Variants in C2orf78 observed in about 807,000 individuals in gnomAD.
C2orf78 encodes the protein uncharacterized protein C2orf78.
Under a neutral mutation model 21.4 loss-of-function variants are expected in C2orf78, and 12 were observed. That is an observed-to-expected ratio of 0.56 (90% CI 0.36 to 0.91). The LOEUF (loss-of-function observed/expected upper bound fraction) is 0.91, where lower values mean the gene tolerates loss of function less well. Among genes scored for constraint, C2orf78 ranks in the 40% least tolerant of loss-of-function variants. The probability of loss-of-function intolerance (pLI) is 0.01; values close to 1 mark genes in which losing one functional copy is unlikely to be tolerated. For synonymous variants in C2orf78, 396 were observed against 413.9 expected (o/e 0.96, Z 0.52); for missense variants, 1,042 against 1,092.4 (o/e 0.95, Z 0.65).
At position 73,786,334 on chromosome 2, in the gene C2orf78, G is replaced by A. The variant is rs560928569; in HGVS notation, c.97+1928G>A. Among the ~76,000 whole-genome samples the A allele has an allele frequency of 1.3e-3, 191 of 150,892 alleles. 2 individuals carry two copies. In the South Asian group the frequency reaches 0.017, roughly 13 times the overall value. On this transcript the variant is annotated intron_variant, in intron 1 of 2. Transcript: ENST00000409561. Reference sequence around the variant, plus strand: ...GCGCATGATGCAGTGAGCCGAGATCGTGCCACTGCCCTCCAGCCTAGGCGA... The same window carrying A: ...GCGCATGATGCAGTGAGCCGAGATCATGCCACTGCCCTCCAGCCTAGGCGA...
intron 1 of C2orf78, among the ~76,000 whole-genome samples, 183 bp downstream of exon 1, chr2:73,784,589 T>C (rs1467760654): frequency 6.6e-6 from 1 of 151,416 alleles, no homozygotes; most frequent in African/African-American, 2.5e-5. Context: ...AGATAACTTT[T>C]ATTCTCTCAC....
intron 1 of C2orf78, among the ~76,000 whole-genome samples, chr2:73,807,965 C>T (rs542425295): frequency 2.6e-5 from 4 of 150,994 alleles, no homozygotes; most frequent in Non-Finnish European, 4.4e-5. Flanking sequence ...CCCTTAAAAT[C>T]GGCAGTAGGG....
intron 1 of C2orf78, among the ~76,000 whole-genome samples, chr2:73,813,275 G>T (rs1673124918): frequency 6.6e-6 from 1 of 152,158 alleles, no homozygotes; most frequent in Admixed American, 6.5e-5. Flanking sequence ...GTCCAAGTTG[G>T]ACACAAAGAC....
intron 1 of C2orf78, among the ~76,000 whole-genome samples, chr2:73,810,462 G>A (rs1349308176): frequency 4.6e-5 from 7 of 150,648 alleles, no homozygotes; most frequent in Non-Finnish European, 7.4e-5. Flanking sequence ...AGGAGGTGTA[G>A]GTTGCAGTGA....
intron 1 of C2orf78, among the ~76,000 whole-genome samples, chr2:73,810,584 T>G (rs1387019641): frequency 7.1e-6 from 1 of 140,040 alleles, no homozygotes; most frequent in Non-Finnish European, 1.5e-5. Context: ...TTTATGTATA[T>G]TATATATATA....
intron 1 of C2orf78, among the ~76,000 whole-genome samples, chr2:73,812,160 A>G (rs976848522): frequency 1.3e-5 from 2 of 152,138 alleles, no homozygotes; most frequent in Admixed American, 6.5e-5. Flanking sequence ...CATTCATTCT[A>G]TTATGGGCTG....
At chr2:73,811,280 G>A (rs1673083739) in intron 1 of C2orf78, among the ~76,000 whole-genome samples, 1 of 151,898 alleles carries the variant, frequency 6.6e-6, no homozygotes, top group African/African-American at 2.4e-5. Flanking sequence ...GATAGAGCAG[G>A]ACCCCATCTC....
chr2:73,814,979 C>T, intron 2 of C2orf78, 92 bp from the exon 3 acceptor site: 1 of 1,271,238 alleles, frequency 7.9e-7, no homozygotes, highest in Non-Finnish European at 1.1e-6. Flanking sequence ...AAATGCCTTG[C>T]CCATGTTGGA....
At chr2:73,806,989 G>A (rs1223440670) in intron 1 of C2orf78, among the ~76,000 whole-genome samples, 4 of 141,536 alleles carry the variant, frequency 2.8e-5, no homozygotes, top group East Asian at 3.9e-4. Flanking sequence ...GACCATCCTC[G>A]CTGACACGGT....
exon 3 of C2orf78, chr2:73,816,047 G>C (rs1385260571): frequency 6.2e-7 from 1 of 1,613,906 alleles, no homozygotes; most frequent in South Asian, 1.1e-5. Context: ...TGAAACGGAA[G>C]AAAAATCAAC....
chr2:73,817,098 G>T, exon 3 of C2orf78: 23 of 1,207,248 alleles, frequency 1.9e-5, no homozygotes, highest in Admixed American at 6.4e-5. Context: ...ATAAAGAAAT[G>T]TAATAGAATT....
chr2:73,785,904 GGCAT>G (rs1187475384), intron 1 of C2orf78, among the ~76,000 whole-genome samples: 1 of 151,844 alleles, frequency 6.6e-6, no homozygotes, highest in Non-Finnish European at 1.5e-5. Flanking sequence ...AAATTAGCCG[GGCAT>G]GGTGGCACAT....
chr2:73,816,554 G>A, exon 3 of C2orf78: 2 of 1,613,592 alleles, frequency 1.2e-6, no homozygotes, highest in South Asian at 1.1e-5. Flanking sequence ...ACACATCTTT[G>A]ACAGGTCCTG....
intron 1 of C2orf78, among the ~76,000 whole-genome samples, chr2:73,810,678 A>T (rs1377903291): frequency 8.2e-5 from 11 of 134,160 alleles, no homozygotes; most frequent in Non-Finnish European, 1.5e-4. Flanking sequence ...TAATATAATA[A>T]AATATACATA....
At chr2:73,785,663 G>A (rs967232947) in intron 1 of C2orf78, among the ~76,000 whole-genome samples, 1 of 152,068 alleles carries the variant, frequency 6.6e-6, no homozygotes, top group African/African-American at 2.4e-5. Flanking sequence ...AGGAAAAGCA[G>A]CTTATCAGAA....
At chr2:73,784,756 C>T (rs1672893230) in intron 1 of C2orf78, among the ~76,000 whole-genome samples, 1 of 151,244 alleles carries the variant, frequency 6.6e-6, no homozygotes, top group Admixed American at 6.6e-5. Context: ...GAGAAAAAAC[C>T]AAAGTGGTCT....
chr2:73,813,424 G>A, intron 1 of C2orf78, 53 bp from the exon 2 acceptor site: 1 of 1,469,906 alleles, frequency 6.8e-7, no homozygotes, highest in Non-Finnish European at 9.0e-7. Flanking sequence ...TTCCAATAAG[G>A]TGAGAATTTT....
chr2:73,808,255 C>CA (rs1159477155), intron 1 of C2orf78, among the ~76,000 whole-genome samples: 5 of 150,760 alleles, frequency 3.3e-5, no homozygotes, highest in Non-Finnish European at 7.4e-5. Flanking sequence ...CTCCATCTCA[C>CA]AAAAAATTCA....
exon 3 of C2orf78, chr2:73,816,599 C>T: frequency 6.2e-7 from 1 of 1,612,982 alleles, no homozygotes; most frequent in Non-Finnish European, 8.5e-7. Flanking sequence ...CCAAAGCAAC[C>T]CAACCCAGTT....
Sources: gnomAD v4.1 joint callset for allele counts (sites outside exome capture counted in the v4.1 genomes callset) on GRCh38, gnomAD v4.1.1 for gene constraint, MANE v1.5 for transcripts, NCBI Gene and HGNC (gene_info 2026-07-23, HGNC 2026-07-21) for gene names.